Variants in MAF observed in about 807,000 individuals in gnomAD.
The protein encoded by MAF is transcription factor Maf.
MAF carries 10 observed loss-of-function variants against 22.0 expected under a neutral mutation model. The observed-to-expected ratio is 0.45, with a 90% CI of 0.28 to 0.77. The LOEUF (loss-of-function observed/expected upper bound fraction) is 0.77, where lower values mean the gene tolerates loss of function less well. Among genes scored for constraint, MAF ranks in the 30% least tolerant of loss-of-function variants. MAF has a pLI of 0.12. For missense variants in MAF, 544 were observed against 548.4 expected, an observed-to-expected ratio of 0.99 and a Z score of 0.08; for synonymous variants, 337 against 255.8, an observed-to-expected ratio of 1.32 and a Z score of -3.03.
chr16:79,425,520 C>G, the MAF span, among the ~76,000 whole-genome samples: 6 of 152,164 alleles, frequency 3.9e-5, no homozygotes, highest in East Asian at 1.2e-3. Flanking sequence ...TAAAGTTCTT[C>G]TTTCTTTTCT....
chr16:79,500,020 G>C, the MAF span, among the ~76,000 whole-genome samples: 5 of 152,320 alleles, frequency 3.3e-5, no homozygotes, highest in East Asian at 5.8e-4. Context: ...AAAGACAGTA[G>C]AGAGAGATGC....
At chr16:79,572,210 C>T in the MAF span, among the ~76,000 whole-genome samples, 8 of 152,066 alleles carry the variant, frequency 5.3e-5, no homozygotes, top group African/African-American at 1.9e-4. Flanking sequence ...AATCCTGTAT[C>T]GGTGGAGGGG....
the MAF span, among the ~76,000 whole-genome samples, chr16:79,407,464 T>G: frequency 4.6e-5 from 7 of 152,064 alleles, no homozygotes; most frequent in African/African-American, 1.7e-4. Context: ...TCTCTCTTCC[T>G]CCCTCTTTCC....
At chr16:79,369,891 A>G in the MAF span, among the ~76,000 whole-genome samples, 59 of 152,350 alleles carry the variant, frequency 3.9e-4, no homozygotes, top group African/African-American at 1.4e-3. Flanking sequence ...GGGGACTGAA[A>G]TTAAACCAAA....
the MAF span, among the ~76,000 whole-genome samples, chr16:79,472,606 G>C: frequency 6.6e-6 from 1 of 152,136 alleles, no homozygotes; most frequent in Non-Finnish European, 1.5e-5. Context: ...TGGTTGCCTA[G>C]GGCTTGGAGG....
At chr16:79,388,907 T>G in the MAF span, among the ~76,000 whole-genome samples, 1 of 152,228 alleles carries the variant, frequency 6.6e-6, no homozygotes, top group Non-Finnish European at 1.5e-5. Flanking sequence ...TAGCTTGACT[T>G]GCAGTTTATG....
the MAF span, among the ~76,000 whole-genome samples, chr16:79,377,605 G>A: frequency 6.6e-6 from 1 of 152,188 alleles, no homozygotes; most frequent in African/African-American, 2.4e-5. Context: ...CCTTGCCCAT[G>A]CCTATGTCCT....
At chr16:79,318,749 C>T in the MAF span, among the ~76,000 whole-genome samples, 6 of 152,140 alleles carry the variant, frequency 3.9e-5, no homozygotes, top group East Asian at 3.9e-4. Context: ...AAAGATTGTG[C>T]CATAAAACAC....
At chr16:79,285,939 A>T in the MAF span, among the ~76,000 whole-genome samples, 1 of 152,194 alleles carries the variant, frequency 6.6e-6, no homozygotes, top group South Asian at 2.1e-4. Flanking sequence ...CTCTGCCCCC[A>T]TATTTAGGGA....
chr16:79,570,187 C>T, the MAF span, among the ~76,000 whole-genome samples: 2 of 152,068 alleles, frequency 1.3e-5, no homozygotes, highest in Non-Finnish European at 2.9e-5. Flanking sequence ...GGAATTATTG[C>T]TTTGGATGGA....
chr16:79,462,550 TATATGCACATATAC>T, the MAF span, among the ~76,000 whole-genome samples: 5 of 152,214 alleles, frequency 3.3e-5, no homozygotes, highest in African/African-American at 9.6e-5. Flanking sequence ...TTCACACACA[TATATGCACATATAC>T]ATGTGCACAA....
chr16:79,528,612 A>G, the MAF span, among the ~76,000 whole-genome samples: 1 of 152,130 alleles, frequency 6.6e-6, no homozygotes, highest in African/African-American at 2.4e-5. Context: ...TCTCTTAATA[A>G]AACACAGTTT....
At chr16:79,439,197 C>T in the MAF span, among the ~76,000 whole-genome samples, 1 of 151,786 alleles carries the variant, frequency 6.6e-6, no homozygotes, top group Non-Finnish European at 1.5e-5. Context: ...GTTCTTTGCA[C>T]TGCACCTGCA....
chr16:79,523,887 A>G, the MAF span, among the ~76,000 whole-genome samples: 5 of 152,328 alleles, frequency 3.3e-5, no homozygotes, highest in South Asian at 2.1e-4. Flanking sequence ...CATTCTTTCA[A>G]TGTAGAGGGA....
the MAF span, among the ~76,000 whole-genome samples, chr16:79,438,055 G>C: frequency 6.6e-6 from 1 of 152,100 alleles, no homozygotes; most frequent in East Asian, 1.9e-4. Flanking sequence ...TGGAGAGCCT[G>C]TCTCTTAGAG....
chr16:79,203,984 C>T, the MAF span: 5 of 152,248 alleles, frequency 3.3e-5, no homozygotes, highest in South Asian at 2.1e-4. Flanking sequence ...TCCTTTAGCA[C>T]GGGCATCAAG....
At chr16:79,444,989 A>G in the MAF span, among the ~76,000 whole-genome samples, 2 of 152,192 alleles carry the variant, frequency 1.3e-5, no homozygotes, top group Non-Finnish European at 2.9e-5. Flanking sequence ...AAAATTAATA[A>G]TGATGATTAA....
At chr16:79,473,248 G>T in the MAF span, among the ~76,000 whole-genome samples, 1 of 152,106 alleles carries the variant, frequency 6.6e-6, no homozygotes, top group African/African-American at 2.4e-5. Context: ...GCAGGTCCCA[G>T]ATGTCTGCAT....
the MAF span, among the ~76,000 whole-genome samples, chr16:79,558,427 G>T: frequency 6.6e-6 from 1 of 152,158 alleles, no homozygotes; most frequent in Non-Finnish European, 1.5e-5. Flanking sequence ...ACATTAATCA[G>T]ATTTGTCATT....
Sources: allele counts gnomAD v4.1 joint callset (sites outside exome capture counted in the v4.1 genomes callset), GRCh38; gene constraint gnomAD v4.1.1; transcripts MANE v1.5; gene names NCBI Gene and HGNC (gene_info 2026-07-23, HGNC 2026-07-21).